The following FMNL2 variants were observed in gnomAD, a reference collection of about 807,000 sequenced individuals.
The protein encoded by FMNL2 is formin-like protein 2.
A neutral mutation model predicts 130.2 loss-of-function variants in FMNL2; 51 were observed. The ratio of observed to expected loss-of-function variants is 0.39; its 90% CI spans 0.31 to 0.49. The LOEUF (loss-of-function observed/expected upper bound fraction) is 0.49, where lower values mean the gene tolerates loss of function less well. FMNL2 is among the 20% of genes least tolerant of loss of function. The probability of loss-of-function intolerance (pLI) is 0.85; values close to 1 mark genes in which losing one functional copy is unlikely to be tolerated. For missense variants in FMNL2, 977 were observed against 1,316.2 expected, an observed-to-expected ratio of 0.74 and a Z score of 3.99; for synonymous variants, 465 against 467.1, an observed-to-expected ratio of 1.00 and a Z score of 0.06.
At chr2:152,376,806 T>G (rs1036871387) in intron 1 of FMNL2, among the ~76,000 whole-genome samples, 1 of 152,232 alleles carries the variant, frequency 6.6e-6, no homozygotes, top group African/African-American at 2.4e-5. Context: ...TTGTCATTGC[T>G]TTCTTGGGAA....
At chr2:152,574,124 A>G (rs1044770341) in intron 6 of FMNL2, among the ~76,000 whole-genome samples, 1 of 152,348 alleles carries the variant, frequency 6.6e-6, no homozygotes, top group East Asian at 1.9e-4. Flanking sequence ...AATGTGCTAC[A>G]TTACTTTACA....
chr2:152,607,506 C>CAT, intron 10 of FMNL2, 93 bp downstream of exon 10: 1 of 712,600 alleles, frequency 1.4e-6, no homozygotes, highest in Non-Finnish European at 2.2e-6. Context: ...CACACACACA[C>CAT]ATATTTATAT....
At chr2:152,640,162 G>A in intron 24 of FMNL2, 106 bp downstream of exon 24, 2 of 902,568 alleles carry the variant, frequency 2.2e-6, no homozygotes, top group Non-Finnish European at 3.3e-6. Flanking sequence ...CCAGGATCCT[G>A]ACCACTTCCT....
At chr2:152,624,163 T>C (rs1009671057) in intron 15 of FMNL2, among the ~76,000 whole-genome samples, 102 of 145,498 alleles carry the variant, frequency 7.0e-4, no homozygotes, top group African/African-American at 2.6e-3. Flanking sequence ...CCTCCCTTCC[T>C]TCCTCTTTTT....
In FMNL2 at chr2:152,356,425, G is replaced by A. The variant is rs373376961; in HGVS notation, c.117+20705G>A. On this transcript the variant is annotated intron_variant, in intron 1 of 25. Transcript: ENST00000288670. ...AGGCGTGAGCCACCACACCCAGCCT[G>A]GCTAGAGGTCATTTAATTTTTGAAT... Among the ~76,000 whole-genome samples the A allele has an allele frequency of 1.5e-4, 23 of 152,286 alleles. No individual in the cohort carries two copies. In the East Asian group the frequency reaches 1.7e-3, roughly 11 times the overall value.
At chr2:152,457,777 G>T (rs1351497686) in intron 1 of FMNL2, among the ~76,000 whole-genome samples, 1 of 152,192 alleles carries the variant, frequency 6.6e-6, no homozygotes, top group Non-Finnish European at 1.5e-5. Flanking sequence ...GTGTTGGCAG[G>T]GCTGTGTTCC....
intron 1 of FMNL2, among the ~76,000 whole-genome samples, chr2:152,405,594 G>A (rs573841082): frequency 2.0e-5 from 3 of 152,166 alleles, no homozygotes; most frequent in East Asian, 1.9e-4. Flanking sequence ...TCTACCTTGC[G>A]TGCCAGGTGG....
At chr2:152,577,695 T>C (rs1383335940) in intron 7 of FMNL2, among the ~76,000 whole-genome samples, 3 of 152,210 alleles carry the variant, frequency 2.0e-5, no homozygotes, top group Admixed American at 1.3e-4. Flanking sequence ...TAGATGCTGC[T>C]AAGTCAAGTA....
At chr2:152,340,462 T>C (rs1338074942) in intron 1 of FMNL2, among the ~76,000 whole-genome samples, 4 of 152,234 alleles carry the variant, frequency 2.6e-5, no homozygotes, top group African/African-American at 9.6e-5. Context: ...TCTTTAGATG[T>C]CAAGCCTTTT....
At chr2:152,390,503 A>T in intron 1 of FMNL2, 1 of 1,544,972 alleles carries the variant, frequency 6.5e-7, no homozygotes, top group Non-Finnish European at 8.9e-7. Context: ...GCATGGTGGA[A>T]AAGATGATGT....
chr2:152,525,888 A>G (rs1285417779), intron 2 of FMNL2, among the ~76,000 whole-genome samples: 20 of 152,318 alleles, frequency 1.3e-4, no homozygotes. Context: ...CAGCTGACCC[A>G]TACCATATAC....
chr2:152,351,642 A>G (rs1319882519), intron 1 of FMNL2, among the ~76,000 whole-genome samples: 1 of 152,132 alleles, frequency 6.6e-6, no homozygotes, highest in Non-Finnish European at 1.5e-5. Context: ...TGCTATTGTA[A>G]ATAGTGTTGC....
intron 1 of FMNL2, among the ~76,000 whole-genome samples, chr2:152,366,790 A>G (rs2105841754): frequency 6.6e-6 from 1 of 152,128 alleles, no homozygotes; most frequent in Non-Finnish European, 1.5e-5. Context: ...ACACGGTGAA[A>G]CCCCATCTCT....
chr2:152,589,365 G>A (rs761315337), intron 9 of FMNL2, among the ~76,000 whole-genome samples: 16 of 151,936 alleles, frequency 1.1e-4, no homozygotes, highest in South Asian at 4.2e-4. Flanking sequence ...TGTTGCTGCC[G>A]TGTTATTTCT....
At chr2:152,341,453 G>A (rs554826486) in intron 1 of FMNL2, among the ~76,000 whole-genome samples, 48 of 152,250 alleles carry the variant, frequency 3.2e-4, no homozygotes, top group African/African-American at 1.1e-3. Context: ...TGGTATGCGT[G>A]GCCTTAAATC....
At chr2:152,513,908 C>T (rs919552305) in intron 1 of FMNL2, among the ~76,000 whole-genome samples, 21 of 152,146 alleles carry the variant, frequency 1.4e-4, no homozygotes, top group East Asian at 9.6e-4. Context: ...GGCTGGCTGC[C>T]TGAGACCTGT....
chr2:152,494,905 A>G (rs1489689265), intron 1 of FMNL2, among the ~76,000 whole-genome samples: 1 of 152,188 alleles, frequency 6.6e-6, no homozygotes, highest in Non-Finnish European at 1.5e-5. Flanking sequence ...CTTACTGTGC[A>G]CCTATTATGT....
At position 152,420,956 on chromosome 2, in the gene FMNL2, T is replaced by C. The variant is rs1021036627; in HGVS notation, c.117+85236T>C. 3.9e-5 allele frequency among the ~76,000 whole-genome samples: 6 copies of C among 152,220 alleles called. No homozygotes were observed. The East Asian group carries it at 5.8e-4, about 15-fold the overall frequency. On this transcript the variant is annotated intron_variant, in intron 1 of 25. Transcript: ENST00000288670. ...ATTTGCCTGTTATTCGCCTGAGATGTCTGGCGTTGGTTGCTTGCCTTTCTG... is the reference window on the plus strand; with the variant it reads ...ATTTGCCTGTTATTCGCCTGAGATGCCTGGCGTTGGTTGCTTGCCTTTCTG...
intron 6 of FMNL2, among the ~76,000 whole-genome samples, chr2:152,567,165 G>T (rs750033494): frequency 1.3e-5 from 2 of 152,130 alleles, no homozygotes; most frequent in African/African-American, 2.4e-5. Flanking sequence ...TTCACATGGG[G>T]CTATGTCCTG....
Sources: allele counts gnomAD v4.1 joint callset (sites outside exome capture counted in the v4.1 genomes callset), GRCh38; gene constraint gnomAD v4.1.1; transcripts MANE v1.5; gene names NCBI Gene and HGNC (gene_info 2026-07-23, HGNC 2026-07-21).